CANX: variants seen among roughly 807,000 people sequenced by gnomAD.
The protein encoded by CANX is epididymis secretory sperm binding protein.
A neutral mutation model predicts 75.7 loss-of-function variants in CANX; 14 were observed. The observed-to-expected ratio is 0.19, with a 90% CI of 0.12 to 0.29. The LOEUF is 0.29. CANX is among the 10% of genes least tolerant of loss of function. CANX has a pLI of 1.00. For synonymous variants in CANX, 227 were observed against 236.9 expected (o/e 0.96, Z 0.38); for missense variants, 567 against 713.2 (o/e 0.79, Z 2.34).
intron 1 of CANX, among the ~76,000 whole-genome samples, chr5:179,679,978 T>A (rs1776019186): frequency 1.4e-5 from 2 of 142,924 alleles, no homozygotes; most frequent in Admixed American, 7.1e-5. Context: ...TTTTTTTTTT[T>A]TTTTTTGTAT....
chr5:179,720,850 G>A (rs894335286), intron 10 of CANX, among the ~76,000 whole-genome samples: 11 of 151,884 alleles, frequency 7.2e-5, no homozygotes, highest in African/African-American at 2.2e-4. Context: ...GTGGTGTGAT[G>A]TCGCCTCACT....
At chr5:179,683,923 T>C (rs1017348893) in intron 1 of CANX, among the ~76,000 whole-genome samples, 1 of 152,218 alleles carries the variant, frequency 6.6e-6, no homozygotes, top group African/African-American at 2.4e-5. Context: ...AGTTCATTGC[T>C]TTTTATTGCT....
chr5:179,726,891 G>A, intron 14 of CANX, 132 bp downstream of exon 14: 1 of 626,448 alleles, frequency 1.6e-6, no homozygotes, highest in South Asian at 2.0e-5. Context: ...TTGTTGAAGT[G>A]GGATTCTTTG....
intron 7 of CANX, among the ~76,000 whole-genome samples, chr5:179,713,905 ACT>A (rs1375300287): frequency 2.0e-5 from 3 of 152,024 alleles, no homozygotes; most frequent in Non-Finnish European, 4.4e-5. Context: ...ACAGAATGAG[ACT>A]CTGTCTCTAT....
rs2113299820 is a variant in CANX at position 179,728,926 on chromosome 5, T to C, written c.*282T>C. ...ACTAACTTTTTTTTTTTTAACATCT[T>C]TGTTTTTAAAATAGAATGATAGAAC... On this transcript the variant is annotated 3_prime_UTR_variant, in exon 15 of 15. Transcript: ENST00000247461. 2.3e-6 allele frequency: 1 copy of C among 431,992 alleles called. No individual in the cohort carries two copies. Among genetic ancestry groups the C allele is most frequent in the East Asian group, 5.1e-5 (1 of 19,528 alleles). 26.8% of individuals were successfully genotyped at this position (431,992 alleles called of 1,614,324 possible). A position where few individuals can be genotyped will look rare whatever the true frequency, so the allele number is the denominator to read the frequency against.
intron 13 of CANX, among the ~76,000 whole-genome samples, chr5:179,725,175 G>A (rs1012273580): frequency 6.6e-6 from 1 of 152,038 alleles, no homozygotes; most frequent in Admixed American, 6.6e-5. Flanking sequence ...ACAGGCATGC[G>A]CTACCATGCT....
At chr5:179,685,543 C>T (rs1776175281) in intron 1 of CANX, among the ~76,000 whole-genome samples, 2 of 136,646 alleles carry the variant, frequency 1.5e-5, no homozygotes, top group Admixed American at 1.5e-4. Flanking sequence ...CCACCGCGCC[C>T]AGCTTTTTTT....
chr5:179,730,299 T>C lies in CANX; in HGVS notation c.*1655T>C. On this transcript the variant is annotated 3_prime_UTR_variant, in exon 15 of 15. Coordinates refer to ENST00000247461, the MANE Select transcript of CANX (RefSeq NM_001746.4). ...TATTTTTTTTTCTTTTTAAAGTTTG[T>C]TCACTTAAATTCTTTTGAGGATGGG... 6.6e-6 allele frequency: 1 copy of C among 152,282 alleles called. No homozygotes were observed. The highest frequency in any genetic ancestry group is 1.5e-5 in the Non-Finnish European group (1 of 68,004). The allele number at this position is 152,282 out of a possible 1,614,324, so 9.4% of individuals were successfully genotyped here.
At chr5:179,713,558 T>G (rs1442352722) in intron 7 of CANX, among the ~76,000 whole-genome samples, 1 of 152,124 alleles carries the variant, frequency 6.6e-6, no homozygotes, top group Admixed American at 6.6e-5. Context: ...GAAATTATAG[T>G]TAGAACAATT....
Position 179,709,849 on chromosome 5 carries a change from A to C in CANX, c.529-24A>C, listed in dbSNP as rs370218228. On this transcript the variant is annotated intron_variant, in intron 6 of 14. Transcript: ENST00000247461. Reference sequence around the variant, plus strand: ...GAACACTTTGAGTACAGTGACTTCAAATAATCCTTTTTTGTTTTTGAAGGA... The same window carrying C: ...GAACACTTTGAGTACAGTGACTTCACATAATCCTTTTTTGTTTTTGAAGGA... 3.3e-6 allele frequency: 5 copies of C among 1,514,182 alleles called. No homozygotes were observed. The Admixed American group carries it at 1.1e-4, about 33-fold the overall frequency. The allele number at this position is 1,514,182 out of a possible 1,614,324, so 93.8% of individuals were successfully genotyped here. A position where few individuals can be genotyped will look rare whatever the true frequency, so the allele number is the denominator to read the frequency against.
At chr5:179,705,409 C>G (rs1450398257) in intron 1 of CANX, among the ~76,000 whole-genome samples, 2 of 152,196 alleles carry the variant, frequency 1.3e-5, no homozygotes, top group Non-Finnish European at 2.9e-5. Context: ...TTGAATGCCC[C>G]ACATCTGTGT....
At chr5:179,694,459 C>T (rs1387380568), upstream of CANX, 1 of 706,462 alleles carries the variant, frequency 1.4e-6, no homozygotes, top group Middle Eastern at 3.7e-4. Context: ...CCTAGTGCCC[C>T]CAAAAGGCCA....
intron 1 of CANX, among the ~76,000 whole-genome samples, chr5:179,686,102 C>CTTTTTTTTTTTTTTTTTTTTTTTTT: frequency 7.8e-6 from 1 of 128,622 alleles, no homozygotes; most frequent in Non-Finnish European, 1.6e-5. Context: ...TTGTTCAAGT[C>CTTTTTTTTTTTTTTTTTTTTTTTTT]TTTTTTTTTT....
chr5:179,727,540 CAG>C (rs1052346931), intron 14 of CANX, among the ~76,000 whole-genome samples: 6 of 152,078 alleles, frequency 3.9e-5, no homozygotes, highest in African/African-American at 1.4e-4. Context: ...GGTGAGTGGA[CAG>C]AGAGAGTGGA....
chr5:179,693,896 T>C (rs1309312554), upstream of CANX, among the ~76,000 whole-genome samples: 2 of 152,038 alleles, frequency 1.3e-5, no homozygotes, highest in Non-Finnish European at 2.9e-5. Context: ...TAGTTACATA[T>C]CTTTTTCTTT....
upstream of CANX, chr5:179,698,411 C>A: frequency 8.0e-7 from 1 of 1,257,436 alleles, no homozygotes; most frequent in Non-Finnish European, 1.0e-6. Flanking sequence ...TCACACAGCG[C>A]GGAGCAGTGC....
At chr5:179,687,325 G>C (rs747927041) in intron 1 of CANX, among the ~76,000 whole-genome samples, 1 of 150,980 alleles carries the variant, frequency 6.6e-6, no homozygotes, top group South Asian at 2.1e-4. Flanking sequence ...GGATGGTCTC[G>C]ATCTCCTGGC....
At position 179,683,668 on chromosome 5, in the gene CANX, G is replaced by T. The variant is rs192173275; in HGVS notation, c.-4+4891G>T. On this transcript the variant is annotated intron_variant, in intron 1 of 14. Transcript: ENST00000681674. Reference sequence around the variant, plus strand: ...CCTGTCTCAGCCTCCCAAGTAGCTGGGATTACAGGTGCCTGCCACCACACC... The same window carrying T: ...CCTGTCTCAGCCTCCCAAGTAGCTGTGATTACAGGTGCCTGCCACCACACC... Among the ~76,000 whole-genome samples, 539 of 151,900 alleles carry T rather than the reference G, an allele frequency of 3.5e-3. 2 individuals are homozygous for T. The highest frequency in any genetic ancestry group is 4.3e-3 in the Non-Finnish European group (289 of 67,956).
chr5:179,724,703 C>A lies in CANX; in HGVS notation c.1565C>A (p.Pro522Gln). ...MEYKKTDAPQ[P>Q]DVKEEEEEKE... ...TATAAGAAAACTGATGCACCTCAACCGGATGTGAAGGAAGAGGAAGAAGAG... is the reference window on the plus strand; with the variant it reads ...TATAAGAAAACTGATGCACCTCAACAGGATGTGAAGGAAGAGGAAGAAGAG... The change falls in exon 13 of 15, where the codon CCG becomes CAG. Residue 522 changes from proline to glutamine, a missense_variant. Around this residue, in one of 3 missense-constraint regions of CANX, gnomAD observed 167 missense variants for 179.3 expected, o/e 0.93. Coordinates refer to ENST00000247461, the MANE Select transcript of CANX (RefSeq NM_001746.4). 6.2e-7 allele frequency: 1 copy of A among 1,612,732 alleles called. No individual in the cohort carries two copies. The highest frequency in any genetic ancestry group is 8.5e-7 in the Non-Finnish European group (1 of 1,179,018).
Sources: gnomAD v4.1 joint callset for allele counts (sites outside exome capture counted in the v4.1 genomes callset) on GRCh38, gnomAD v4.1.1 for gene constraint, gnomAD v4.1.1 regional missense constraint, MANE v1.5 for transcripts, NCBI Gene and HGNC (gene_info 2026-07-23, HGNC 2026-07-21) for gene names.